Variants in PEX7 observed in about 807,000 individuals in gnomAD.
PEX7 encodes PTS2 receptor.
Under a neutral mutation model 47.5 loss-of-function variants are expected in PEX7, and 34 were observed. That is an observed-to-expected ratio of 0.72 (90% CI 0.54 to 0.95). The LOEUF is 0.95. Among genes scored for constraint, PEX7 ranks in the 40% least tolerant of loss-of-function variants. The pLI, the probability that PEX7 is intolerant of heterozygous loss-of-function variation, is 0.00. For synonymous variants in PEX7, 141 were observed against 148.8 expected, an observed-to-expected ratio of 0.95 and a Z score of 0.38; for missense variants, 394 against 400.3, an observed-to-expected ratio of 0.98 and a Z score of 0.13.
rs1775733223 is a variant in PEX7, at chr6:136,900,420, C to G, written c.903+2179C>G. 5 of 400,624 alleles carry G rather than the reference C, an allele frequency of 1.2e-5. No homozygotes were observed. Among genetic ancestry groups the G allele is most frequent in the Admixed American group, 1.2e-4 (5 of 40,426 alleles). 24.8% of individuals were successfully genotyped at this position (400,624 alleles called of 1,614,324 possible). Reference sequence around the variant, plus strand: ...CAGGTTCTTTAGCCTTTGCCTTTTCCAGCTTGGCAGTGTGAGCCACAGACT... The same window carrying G: ...CAGGTTCTTTAGCCTTTGCCTTTTCGAGCTTGGCAGTGTGAGCCACAGACT... On this transcript the variant is annotated intron_variant, in intron 9 of 9. Coordinates refer to ENST00000318471, the MANE Select transcript of PEX7 (RefSeq NM_000288.4). The surrounding 1 kb of genome is among the most constrained non-coding windows in gnomAD (Gnocchi z 4.2).
intron 3 of PEX7, among the ~76,000 whole-genome samples, chr6:136,841,309 C>T (rs1253519613): frequency 6.6e-6 from 1 of 152,142 alleles, no homozygotes; most frequent in Non-Finnish European, 1.5e-5. Context: ...TTTCCTTCCT[C>T]CAGTCTTTCA....
At chr6:136,909,873 T>C (rs748347337) in intron 9 of PEX7, among the ~76,000 whole-genome samples, 11 of 152,330 alleles carry the variant, frequency 7.2e-5, no homozygotes, top group Non-Finnish European at 1.3e-4. Flanking sequence ...ACATAATTTA[T>C]AGATACCTTG....
At chr6:136,830,992 GA>G (rs1774283376) in intron 3 of PEX7, among the ~76,000 whole-genome samples, 1 of 152,112 alleles carries the variant, frequency 6.6e-6, no homozygotes, top group Admixed American at 6.5e-5. Context: ...TACATTTCAA[GA>G]GTTAAAATCT....
chr6:136,828,221 ATTTGT>A (rs1774232510), intron 3 of PEX7, among the ~76,000 whole-genome samples: 1 of 152,176 alleles, frequency 6.6e-6, no homozygotes, highest in African/African-American at 2.4e-5. Context: ...ATGTACATTT[ATTTGT>A]TTTTAGTGTA....
chr6:136,823,217 A>G (rs181410939), intron 1 of PEX7: 22 of 985,246 alleles, frequency 2.2e-5, no homozygotes, highest in Non-Finnish European at 2.4e-5. Flanking sequence ...GTTGGCCCAC[A>G]ATTCCCAGTC....
At chr6:136,868,657 C>G (rs185075925) in intron 6 of PEX7, among the ~76,000 whole-genome samples, 28 of 151,804 alleles carry the variant, frequency 1.8e-4, no homozygotes, top group African/African-American at 5.1e-4. Context: ...AAACTAAAGC[C>G]CAACATAGTC....
chr6:136,908,612 G>A (rs1775882399), intron 9 of PEX7, among the ~76,000 whole-genome samples: 1 of 152,088 alleles, frequency 6.6e-6, no homozygotes, highest in African/African-American at 2.4e-5. Flanking sequence ...AAGCAGTAGA[G>A]CCTGGAGGCC....
intron 5 of PEX7, among the ~76,000 whole-genome samples, chr6:136,848,612 T>C (rs968811025): frequency 1.6e-4 from 25 of 152,214 alleles, no homozygotes; most frequent in Non-Finnish European, 1.5e-5. Flanking sequence ...GATAATCATG[T>C]GGTTTTTGTC....
chr6:136,856,392 G>T (rs541006444), intron 5 of PEX7, among the ~76,000 whole-genome samples: 1 of 152,026 alleles, frequency 6.6e-6, no homozygotes, highest in Non-Finnish European at 1.5e-5. Context: ...ATTAAATCTG[G>T]CTTTATAGGC....
chr6:136,877,572 A>G (rs939439081), intron 8 of PEX7, among the ~76,000 whole-genome samples: 2 of 151,986 alleles, frequency 1.3e-5, no homozygotes, highest in African/African-American at 4.8e-5. Flanking sequence ...AAATAGGGAA[A>G]CCTTCCCCCA....
intron 5 of PEX7, among the ~76,000 whole-genome samples, chr6:136,853,914 A>T: frequency 6.6e-6 from 1 of 152,144 alleles, no homozygotes; most frequent in Non-Finnish European, 1.5e-5. Context: ...TATTTTTTGA[A>T]TTTTTAAGCT....
chr6:136,894,190 G>A (rs1775604222), intron 8 of PEX7, among the ~76,000 whole-genome samples: 1 of 152,174 alleles, frequency 6.6e-6, no homozygotes, highest in Non-Finnish European at 1.5e-5. Context: ...CAGGAACGGT[G>A]TCTCATGCCT....
At chr6:136,842,633 A>G (rs182093102) in intron 3 of PEX7, among the ~76,000 whole-genome samples, 45 of 152,362 alleles carry the variant, frequency 3.0e-4, no homozygotes, top group Admixed American at 2.7e-3. Context: ...TTCAGGTTGT[A>G]AAGAAAAATT....
chr6:136,876,560 A>G (rs1375018035), intron 8 of PEX7, among the ~76,000 whole-genome samples: 2 of 151,068 alleles, frequency 1.3e-5, no homozygotes, highest in African/African-American at 2.4e-5. Context: ...TCGTTGTTCA[A>G]CTCCCACTTA....
intron 1 of PEX7, chr6:136,823,385 T>G: frequency 1.0e-6 from 1 of 980,382 alleles, no homozygotes; most frequent in Non-Finnish European, 1.2e-6. Flanking sequence ...CGCAAGTAGG[T>G]GTTACAGACT....
At chr6:136,889,621 A>G (rs187895001) in intron 8 of PEX7, among the ~76,000 whole-genome samples, 104 of 152,354 alleles carry the variant, frequency 6.8e-4, no homozygotes, top group Non-Finnish European at 1.3e-3. Flanking sequence ...TGTGGTTTCA[A>G]TAAGGCAACT....
intron 3 of PEX7, among the ~76,000 whole-genome samples, chr6:136,830,708 C>G (rs573685279): frequency 5.5e-4 from 83 of 152,270 alleles, no homozygotes; most frequent in African/African-American, 2.0e-3. Context: ...ACTTAAAACA[C>G]TGTGCTACTG....
chr6:136,857,892 G>A (rs2115195759), intron 5 of PEX7, among the ~76,000 whole-genome samples: 1 of 152,276 alleles, frequency 6.6e-6, no homozygotes, highest in East Asian at 1.9e-4. Flanking sequence ...TGCCATCTCA[G>A]CTCACTGAAA....
intron 8 of PEX7, among the ~76,000 whole-genome samples, chr6:136,878,864 G>A (rs1321291505): frequency 7.9e-6 from 1 of 126,352 alleles, no homozygotes; most frequent in East Asian, 2.4e-4. Flanking sequence ...TTTTTGTTGT[G>A]TTTTTTTCTT....
Sources: gnomAD v4.1 joint callset for allele counts (sites outside exome capture counted in the v4.1 genomes callset) on GRCh38, gnomAD v4.1.1 for gene constraint, Gnocchi (gnomAD v3.1) non-coding constraint, MANE v1.5 for transcripts, NCBI Gene and HGNC (gene_info 2026-07-23, HGNC 2026-07-21) for gene names.